Variants in SPIDR observed in about 807,000 individuals in gnomAD.
The protein encoded by SPIDR is DNA repair-scaffolding protein.
In SPIDR, 93 loss-of-function variants were observed where a neutral mutation model predicts 104.6. That is an observed-to-expected ratio of 0.89 (90% CI 0.75 to 1.06). The LOEUF is 1.06. Ranked by LOEUF, SPIDR falls within the 50% of genes least tolerant of loss-of-function variation. SPIDR has a pLI of 0.00. For missense variants in SPIDR, 1,154 were observed against 1,111.2 expected, an observed-to-expected ratio of 1.04 and a Z score of -0.55; for synonymous variants, 431 against 416.9, an observed-to-expected ratio of 1.03 and a Z score of -0.41.
chr8:47,645,757 G>A (rs2070218587), intron 10 of SPIDR, among the ~76,000 whole-genome samples: 1 of 152,078 alleles, frequency 6.6e-6, no homozygotes, highest in Admixed American at 6.6e-5. Context: ...AGGGAAAGAT[G>A]AACCATTCAA....
At chr8:47,373,031 T>C (rs1230061199) in intron 5 of SPIDR, among the ~76,000 whole-genome samples, 1 of 152,176 alleles carries the variant, frequency 6.6e-6, no homozygotes, top group Admixed American at 6.5e-5. Context: ...AGAATGTATT[T>C]CTTAATTATG....
intron 3 of SPIDR, among the ~76,000 whole-genome samples, chr8:47,288,198 T>C (rs1328059344): frequency 6.6e-6 from 1 of 152,220 alleles, no homozygotes; most frequent in Non-Finnish European, 1.5e-5. Context: ...CCACCTTTAT[T>C]GGACTTCCTT....
At chr8:47,400,654 T>C (rs2061752945) in intron 6 of SPIDR, among the ~76,000 whole-genome samples, 1 of 150,418 alleles carries the variant, frequency 6.6e-6, no homozygotes, top group Non-Finnish European at 1.5e-5. Flanking sequence ...ACTCAGTCTC[T>C]TTGGACTTCT....
chr8:47,695,803 A>G (rs2079250391), intron 11 of SPIDR, among the ~76,000 whole-genome samples: 1 of 152,254 alleles, frequency 6.6e-6, no homozygotes, highest in Admixed American at 6.5e-5. Context: ...AGCTATAATG[A>G]GGCCAGAGGA....
chr8:47,658,927 ACTCCAT>A (rs2073495379), intron 10 of SPIDR, among the ~76,000 whole-genome samples: 1 of 138,538 alleles, frequency 7.2e-6, no homozygotes, highest in Admixed American at 7.5e-5. Flanking sequence ...CAAGAGCAAA[ACTCCAT>A]CTCCATCTCA....
At position 47,379,489 on chromosome 8, in the gene SPIDR, C is replaced by T. The variant is rs900099456; in HGVS notation, c.526-16887C>T. On this transcript the variant is annotated intron_variant, in intron 5 of 19. Transcript: ENST00000297423. Reference sequence around the variant, plus strand: ...AGGTTGTAGTGAGCCAAGATAGCATCACTGCCCTCCAGCCTGGGTGAATTG... The same window carrying T: ...AGGTTGTAGTGAGCCAAGATAGCATTACTGCCCTCCAGCCTGGGTGAATTG... Among the ~76,000 whole-genome samples the T allele has an allele frequency of 7.9e-5, 12 of 152,294 alleles. No homozygotes were observed. In the Middle Eastern group the frequency reaches 0.01, roughly 130 times the overall value.
chr8:47,719,827 A>G (rs559036643), intron 16 of SPIDR, among the ~76,000 whole-genome samples: 6 of 152,028 alleles, frequency 3.9e-5, no homozygotes, highest in Non-Finnish European at 5.9e-5. Flanking sequence ...AAGGAACCCA[A>G]TGCTCCTTAC....
intron 5 of SPIDR, among the ~76,000 whole-genome samples, chr8:47,295,869 T>C (rs1220926859): frequency 1.3e-5 from 2 of 152,188 alleles, no homozygotes; most frequent in African/African-American, 4.8e-5. Flanking sequence ...CTTCATACTG[T>C]TCTCCATAAT....
At chr8:47,518,877 C>A (rs938620444) in intron 8 of SPIDR, among the ~76,000 whole-genome samples, 1 of 152,108 alleles carries the variant, frequency 6.6e-6, no homozygotes, top group Admixed American at 6.6e-5. Context: ...CCTTGTGATC[C>A]GCCCGCCTTG....
chr8:47,538,147 C>G (rs1291621864), intron 8 of SPIDR, among the ~76,000 whole-genome samples: 1 of 151,964 alleles, frequency 6.6e-6, no homozygotes, highest in African/African-American at 2.4e-5. Flanking sequence ...TGTATTCCAG[C>G]CTGGGCAATA....
chr8:47,611,469 C>CGG (rs1182151263), intron 10 of SPIDR, among the ~76,000 whole-genome samples: 1 of 152,074 alleles, frequency 6.6e-6, no homozygotes, highest in African/African-American at 2.4e-5. Flanking sequence ...GAGGCCGAGA[C>CGG]GGGCAGATCA....
In SPIDR at chr8:47,693,767, C is replaced by A. The variant is rs191161395; in HGVS notation, c.1686-6636C>A. Among the ~76,000 whole-genome samples the A allele has an allele frequency of 3.7e-3, 562 of 152,320 alleles. 18 individuals are homozygous for A. The highest frequency in any genetic ancestry group is 3.7e-4 in the Non-Finnish European group (25 of 68,030). On this transcript the variant is annotated intron_variant, in intron 11 of 19. Transcript: ENST00000297423. ...GCCTCAGAGTGGCATCAGGGGTGACCTCTGTGCCTCTTCTCACCTATGTCC... is the reference window on the plus strand; with the variant it reads ...GCCTCAGAGTGGCATCAGGGGTGACATCTGTGCCTCTTCTCACCTATGTCC...
At chr8:47,427,261 A>G (rs1554685674) in intron 7 of SPIDR, among the ~76,000 whole-genome samples, 1 of 149,874 alleles carries the variant, frequency 6.7e-6, no homozygotes, top group Non-Finnish European at 1.5e-5. Context: ...ATAAATTGTC[A>G]GAAGCAGTTA....
chr8:47,507,500 C>T (rs1291448148), intron 8 of SPIDR, among the ~76,000 whole-genome samples: 2 of 152,242 alleles, frequency 1.3e-5, no homozygotes, highest in South Asian at 2.1e-4. Context: ...ACGAGCTCCT[C>T]AGACAGCTGG....
At chr8:47,727,749 T>C (rs1001478063) in intron 17 of SPIDR, among the ~76,000 whole-genome samples, 1 of 152,208 alleles carries the variant, frequency 6.6e-6, no homozygotes, top group Non-Finnish European at 1.5e-5. Context: ...TCTGTCCCTA[T>C]GAAGTCAGTC....
At chr8:47,454,294 G>A (rs1420855733) in intron 8 of SPIDR, among the ~76,000 whole-genome samples, 1 of 152,122 alleles carries the variant, frequency 6.6e-6, no homozygotes, top group African/African-American at 2.4e-5. Flanking sequence ...ATACCATGCA[G>A]CCATAAAATA....
intron 5 of SPIDR, among the ~76,000 whole-genome samples, chr8:47,300,798 C>G (rs2041942060): frequency 6.6e-6 from 1 of 152,174 alleles, no homozygotes; most frequent in African/African-American, 2.4e-5. Context: ...TTTGATTGCA[C>G]TGTGGTCTGA....
chr8:47,356,035 G>T (rs2054476401), intron 5 of SPIDR, among the ~76,000 whole-genome samples: 1 of 152,128 alleles, frequency 6.6e-6, no homozygotes, highest in Non-Finnish European at 1.5e-5. Context: ...TGAGGGCCAG[G>T]ATCATCATGA....
intron 8 of SPIDR, among the ~76,000 whole-genome samples, chr8:47,580,407 A>G (rs1462052589): frequency 6.6e-6 from 1 of 152,194 alleles, no homozygotes; most frequent in African/African-American, 2.4e-5. Context: ...GCATCAATTC[A>G]TTAATTTCAT....
Sources: allele counts gnomAD v4.1 joint callset (sites outside exome capture counted in the v4.1 genomes callset), GRCh38; gene constraint gnomAD v4.1.1; transcripts MANE v1.5; gene names NCBI Gene and HGNC (gene_info 2026-07-23, HGNC 2026-07-21).